The following MIAT variants were observed in gnomAD, a reference collection of about 807,000 sequenced individuals.
MIAT encodes myocardial infarction associated transcript.
chr22:26,666,962 G>T, intron 4 of MIAT: 1 of 398,866 alleles, frequency 2.5e-6, no homozygotes, highest in South Asian at 1.3e-4. Context: ...GATGTGGGGA[G>T]GGAGGGAGGG....
chr22:26,670,835 G>A, downstream of MIAT: 1 of 398,598 alleles, frequency 2.5e-6, no homozygotes, highest in African/African-American at 2.1e-5. Context: ...GAAAAGTACA[G>A]CAGTGATAGA....
exon 4 of MIAT, chr22:26,665,532 G>C (rs1432107767): frequency 2.5e-6 from 1 of 398,708 alleles, no homozygotes; most frequent in Non-Finnish European, 4.4e-6. Flanking sequence ...TATTTACAGA[G>C]AGCAGCAAGT....
chr22:26,665,990 A>G (rs1930832480), exon 4 of MIAT: 7 of 398,498 alleles, frequency 1.8e-5, no homozygotes, highest in Admixed American at 1.3e-4. Flanking sequence ...TTGTGATCAT[A>G]TTTATAAACC....
At chr22:26,668,623 A>T (rs969431626) in exon 6 of MIAT, 4 of 398,920 alleles carry the variant, frequency 1.0e-5, no homozygotes, top group African/African-American at 8.2e-5. Flanking sequence ...GGATGGGGAC[A>T]GGAACAAGGA....
chr22:26,659,785 C>CA (rs112543684), intron 2 of MIAT, among the ~76,000 whole-genome samples: 78,977 of 138,228 alleles, frequency 0.57, 22,477 homozygotes, highest in South Asian at 0.71. Context: ...TTAGAAAAGA[C>CA]AAAAAAAAAA....
chr22:26,662,655 T>C (rs1231514295), intron 2 of MIAT, among the ~76,000 whole-genome samples: 1 of 152,248 alleles, frequency 6.6e-6, no homozygotes, highest in Non-Finnish European at 1.5e-5. Flanking sequence ...CATTATTCTC[T>C]GGAGCTTCCG....
chr22:26,656,308 C>G (rs1602356316), intron 2 of MIAT, among the ~76,000 whole-genome samples: 1 of 148,016 alleles, frequency 6.8e-6, no homozygotes, highest in East Asian at 2.0e-4. Context: ...AGCCACCGTG[C>G]CCGGCCTCTT....
intron 2 of MIAT, chr22:26,647,404 AG>A: frequency 2.7e-6 from 1 of 363,812 alleles, no homozygotes; most frequent in Non-Finnish European, 4.9e-6. Context: ...AGAGAGAGAG[AG>A]AGAGAGAGAG....
chr22:26,671,917 T>C, downstream of MIAT: 3 of 398,578 alleles, frequency 7.5e-6, no homozygotes, highest in Non-Finnish European at 1.3e-5. Context: ...TCTCTGGGTG[T>C]TCTGCACACA....
chr22:26,650,151 G>A (rs1321797297), intron 2 of MIAT: 2 of 152,218 alleles, frequency 1.3e-5, no homozygotes, highest in Non-Finnish European at 2.9e-5. Context: ...GGTAGAATGA[G>A]GTAGAAAGGG....
At chr22:26,661,566 A>G (rs1383463440) in intron 2 of MIAT, among the ~76,000 whole-genome samples, 1 of 152,154 alleles carries the variant, frequency 6.6e-6, no homozygotes, top group Non-Finnish European at 1.5e-5. Flanking sequence ...CTCCATGATA[A>G]GGCAGGGATT....
At chr22:26,652,133 A>G (rs1320317393) in intron 2 of MIAT, among the ~76,000 whole-genome samples, 1 of 152,112 alleles carries the variant, frequency 6.6e-6, no homozygotes, top group African/African-American at 2.4e-5. Context: ...AGCTGGGACC[A>G]CAGGCACACA....
chr22:26,676,425 G>C, exon 5 of MIAT: 1 of 398,618 alleles, frequency 2.5e-6, no homozygotes, highest in South Asian at 1.3e-4. Flanking sequence ...CATGAATGTA[G>C]CTGCTTCTGT....
chr22:26,663,121 A>T (rs1930730253), intron 2 of MIAT, among the ~76,000 whole-genome samples: 2 of 152,196 alleles, frequency 1.3e-5, no homozygotes, highest in Non-Finnish European at 2.9e-5. Context: ...CATAAAACCC[A>T]TGTTAGGATG....
intron 2 of MIAT, chr22:26,658,334 G>A (rs965692702): frequency 4.6e-5 from 7 of 152,228 alleles, no homozygotes. Flanking sequence ...ACAGTCCCAC[G>A]AGGTGGTAAG....
chr22:26,663,471 C>T (rs1414087906), intron 3 of MIAT: 2 of 397,996 alleles, frequency 5.0e-6, no homozygotes, highest in Non-Finnish European at 8.9e-6. Context: ...TCAGATCCAT[C>T]ACGAAATCCG....
intron 2 of MIAT, among the ~76,000 whole-genome samples, chr22:26,662,441 A>G (rs1041325635): frequency 1.3e-4 from 20 of 152,298 alleles, no homozygotes; most frequent in African/African-American, 4.6e-4. Context: ...AATAAGTGTT[A>G]GTTTAGCTTT....
chr22:26,662,060 G>A (rs1045527366), intron 2 of MIAT, among the ~76,000 whole-genome samples: 18 of 151,124 alleles, frequency 1.2e-4, no homozygotes, highest in Middle Eastern at 3.4e-3. Context: ...GGGTTAAAGC[G>A]GTCCTCCTGT....
chr22:26,663,936 T>A (rs1368401220), intron 3 of MIAT, among the ~76,000 whole-genome samples: 1 of 145,314 alleles, frequency 6.9e-6, no homozygotes, highest in Non-Finnish European at 1.5e-5. Context: ...ACTGACCTGC[T>A]TTCTCAGAAG....
Sources: gnomAD v4.1 joint callset for allele counts (sites outside exome capture counted in the v4.1 genomes callset) on GRCh38, gnomAD v4.1.1 for gene constraint, MANE v1.5 for transcripts, NCBI Gene and HGNC (gene_info 2026-07-23, HGNC 2026-07-21) for gene names.